The following RNF43 variants were observed in gnomAD, a reference collection of about 807,000 sequenced individuals.
The protein encoded by RNF43 is ring finger protein 43.
RNF43 carries 37 observed loss-of-function variants against 78.4 expected under a neutral mutation model. That is an observed-to-expected ratio of 0.47 (90% CI 0.36 to 0.62). RNF43 has a LOEUF of 0.62. Among genes scored for constraint, RNF43 ranks in the 20% least tolerant of loss-of-function variants. The pLI, the probability that RNF43 is intolerant of heterozygous loss-of-function variation, is 0.00. For synonymous variants in RNF43, 347 were observed against 395.0 expected (o/e 0.88, Z 1.44); for missense variants, 774 against 1,007.9 (o/e 0.77, Z 3.14).
chr17:58,392,185 A>C (rs1450733058), intron 2 of RNF43, among the ~76,000 whole-genome samples: 3 of 152,254 alleles, frequency 2.0e-5, no homozygotes, highest in Non-Finnish European at 2.9e-5. Context: ...AGGACAGAGC[A>C]GGATAGAGTA....
At chr17:58,364,038 A>G (rs1222340112) in intron 3 of RNF43, among the ~76,000 whole-genome samples, 1 of 152,136 alleles carries the variant, frequency 6.6e-6, no homozygotes, top group Non-Finnish European at 1.5e-5. Flanking sequence ...AGAGAAGTAG[A>G]GCTCTCCTTC....
chr17:58,382,292 T>G (rs935645305), intron 2 of RNF43, among the ~76,000 whole-genome samples: 6 of 152,210 alleles, frequency 3.9e-5, no homozygotes, highest in Non-Finnish European at 8.8e-5. Context: ...TCACTTAACA[T>G]CATGCCATGC....
At chr17:58,398,418 T>C (rs538313993) in intron 2 of RNF43, among the ~76,000 whole-genome samples, 1 of 152,218 alleles carries the variant, frequency 6.6e-6, no homozygotes, top group Non-Finnish European at 1.5e-5. Context: ...TTTTGATATA[T>C]CTCTGGTTAA....
At chr17:58,405,068 CTTTTTTTTTT>C (rs35147601) in intron 2 of RNF43, among the ~76,000 whole-genome samples, 35 of 79,618 alleles carry the variant, frequency 4.4e-4, no homozygotes, top group Non-Finnish European at 8.2e-4. Flanking sequence ...TGTAGTACTT[CTTTTTTTTTT>C]TTTTTTTTTT....
chr17:58,395,568 T>C (rs1178475273), intron 2 of RNF43, among the ~76,000 whole-genome samples: 1 of 152,162 alleles, frequency 6.6e-6, no homozygotes, highest in African/African-American at 2.4e-5. Flanking sequence ...AACACAAAAA[T>C]CTGAGAAATA....
chr17:58,388,676 A>G (rs774629467), intron 2 of RNF43, among the ~76,000 whole-genome samples: 10 of 146,480 alleles, frequency 6.8e-5, no homozygotes, highest in Admixed American at 1.4e-4. Context: ...ATTGTGTGGT[A>G]AAGCCAATAG....
intron 2 of RNF43, chr17:58,402,744 G>A (rs1973831823): frequency 6.6e-6 from 1 of 152,200 alleles, no homozygotes. Context: ...TAACATGGTG[G>A]TTGTGTCTCT....
At chr17:58,411,939 C>G (rs1239362997) in intron 2 of RNF43, among the ~76,000 whole-genome samples, 2 of 152,046 alleles carry the variant, frequency 1.3e-5, no homozygotes, top group Non-Finnish European at 2.9e-5. Flanking sequence ...TGGTATAAAC[C>G]AGGAGAGAAA....
chr17:58,403,740 A>G (rs985789730), intron 2 of RNF43, among the ~76,000 whole-genome samples: 6 of 152,322 alleles, frequency 3.9e-5, no homozygotes, highest in Non-Finnish European at 8.8e-5. Flanking sequence ...CTTACATACT[A>G]GAGCTCTATC....
chr17:58,413,868 C>T (rs1436552291), intron 2 of RNF43, among the ~76,000 whole-genome samples: 1 of 152,140 alleles, frequency 6.6e-6, no homozygotes, highest in African/African-American at 2.4e-5. Context: ...CTCTCAAAAA[C>T]TTCAGTGATA....
intron 2 of RNF43, among the ~76,000 whole-genome samples, chr17:58,398,036 T>C (rs1271157553): frequency 6.6e-6 from 1 of 152,240 alleles, no homozygotes; most frequent in East Asian, 1.9e-4. Flanking sequence ...AATCAGAGTG[T>C]ATATTCAGGG....
intron 2 of RNF43, among the ~76,000 whole-genome samples, chr17:58,409,785 C>T (rs912378721): frequency 6.6e-6 from 1 of 152,122 alleles, no homozygotes; most frequent in African/African-American, 2.4e-5. Flanking sequence ...CTTGGGGGAG[C>T]TGAAGTGGGC....
At chr17:58,414,927 A>G (rs1462785622) in intron 2 of RNF43, among the ~76,000 whole-genome samples, 4 of 152,238 alleles carry the variant, frequency 2.6e-5, no homozygotes, top group Non-Finnish European at 4.4e-5. Context: ...GCTGCTGACC[A>G]TTAAAATCAA....
At position 58,357,864 on chromosome 17, in the gene RNF43, T is replaced by A. The variant is rs758074045; in HGVS notation, c.1912A>T (p.Ser638Cys). ...DASSICPSTS[S>C]LFNLQKSSLS... Reference sequence around the variant, plus strand: ...CTGGATTTTTGCAAGTTGAACAGACTGCTGGTACTGGGGCAGATGCTGGAG... The same window carrying A: ...CTGGATTTTTGCAAGTTGAACAGACAGCTGGTACTGGGGCAGATGCTGGAG... The change falls in exon 9 of 10, where the codon AGT becomes TGT. Residue 638 changes from serine (S) to cysteine (C), a missense_variant. Coordinates refer to ENST00000407977, the MANE Select transcript of RNF43 (RefSeq NM_017763.6). This position sits in a 1 kb window ranked among gnomAD's most constrained non-coding sequence, Gnocchi z 4.5. The A allele has an allele frequency of 1.1e-5, 17 of 1,613,866 alleles. No individual in the cohort carries two copies. In the African/African-American group the frequency reaches 2.1e-4, roughly 20 times the overall value.
At position 58,360,760 on chromosome 17, in the gene RNF43, G is replaced by A. The variant is rs2143444092; in HGVS notation, c.849+23C>T. 1 of 1,599,036 alleles carries A rather than the reference G, an allele frequency of 6.3e-7. No homozygotes were observed. Among genetic ancestry groups the A allele is most frequent in the South Asian group, 1.1e-5 (1 of 88,382 alleles). On this transcript the variant is annotated intron_variant, in intron 7 of 9. Transcript: ENST00000407977. The surrounding 1 kb of genome is among the most constrained non-coding windows in gnomAD (Gnocchi z 4.3). ...CAATCTCCCCAGTCTGGTCATGGAG[G>A]TGAACCACAAGACCTGCCTTACCTG...
In RNF43 at chr17:58,357,817, C is replaced by A. The variant is rs2143394936; in HGVS notation, c.1959G>T (p.Gln653His). ...QKSSLSARHPQRKRRGGPSEP... is the reference protein window; with the variant it reads ...QKSSLSARHPHRKRRGGPSEP... Reference sequence around the variant, plus strand: ...CGGAGGGACCCCCCCGCCTTTTCCTCTGTGGGTGTCGGGCAGAGAGGCTGG... The same window carrying A: ...CGGAGGGACCCCCCCGCCTTTTCCTATGTGGGTGTCGGGCAGAGAGGCTGG... Residue 653 changes from glutamine to histidine, a missense_variant, in exon 9 of 10, where the codon CAG becomes CAT. Gln to His is a conservative substitution (Grantham distance 24, BLOSUM62 0). Coordinates refer to ENST00000407977, the MANE Select transcript of RNF43 (RefSeq NM_017763.6). The surrounding 1 kb of genome is among the most constrained non-coding windows in gnomAD (Gnocchi z 4.5). 6.2e-7 allele frequency: 1 copy of A among 1,614,162 alleles called. No homozygotes were observed. Among genetic ancestry groups the A allele is most frequent in the Non-Finnish European group, 8.5e-7 (1 of 1,180,024 alleles).
chr17:58,399,339 G>T (rs1242460414), intron 2 of RNF43, among the ~76,000 whole-genome samples: 2 of 151,996 alleles, frequency 1.3e-5, no homozygotes, highest in Admixed American at 1.3e-4. Context: ...ATTTTTTCAG[G>T]GAGACAAATA....
chr17:58,363,458 C>G (rs1972884224), intron 4 of RNF43, 52 bp from the exon 5 acceptor site: 2 of 1,613,638 alleles, frequency 1.2e-6, no homozygotes, highest in African/African-American at 1.3e-5. Context: ...CTGCCCTTCC[C>G]TCTCCCCTGA....
intron 2 of RNF43, among the ~76,000 whole-genome samples, chr17:58,412,455 C>G (rs990147299): frequency 5.9e-5 from 9 of 151,946 alleles, no homozygotes; most frequent in Admixed American, 3.3e-4. Context: ...TTGAACATAC[C>G]TTGTAAAATG....
Sources: allele counts gnomAD v4.1 joint callset (sites outside exome capture counted in the v4.1 genomes callset), GRCh38; gene constraint gnomAD v4.1.1; non-coding constraint Gnocchi (gnomAD v3.1); transcripts MANE v1.5; gene names NCBI Gene and HGNC (gene_info 2026-07-23, HGNC 2026-07-21).